The following ZNF157 variants were observed in gnomAD, a reference collection of about 807,000 sequenced individuals.
ZNF157 encodes the protein zinc finger protein 22.
In ZNF157, 8 loss-of-function variants were observed where a neutral mutation model predicts 9.4. That is an observed-to-expected ratio of 0.85 (90% CI 0.50 to 1.53). ZNF157 has a LOEUF of 1.53. ZNF157 is among the 40% of genes most tolerant of loss of function. The pLI is 0.00. For missense variants in ZNF157, 316 were observed against 385.2 expected, an observed-to-expected ratio of 0.82 and a Z score of 1.50; for synonymous variants, 120 against 130.8, an observed-to-expected ratio of 0.92 and a Z score of 0.56.
chrX:47,412,589 T>A lies in ZNF157; in HGVS notation c.516T>A (p.Cys172Ter). Residue 172 changes from cysteine to a stop codon, truncating the protein, a stop_gained, in exon 4 of 4, where the codon TGT (cysteine) becomes TGA (stop). Transcript: ENST00000377073. LOFTEE classifies it low-confidence loss of function (END_TRUNC). ...GTCATGAATGTGGGAAAGCTTACTG[T>A]AGGAAGTCAAACCTTGTTGAACATC... ...FECHECGKAY[C>*]RKSNLVEHLR... 8.3e-7 allele frequency: 1 copy of A among 1,211,937 alleles called. No individual in the cohort carries two copies. Among genetic ancestry groups the A allele is most frequent in the Non-Finnish European group, 1.1e-6 (1 of 895,479 alleles).
At chrX:47,382,463 C>T (rs1223863271) in intron 1 of ZNF157, among the ~76,000 whole-genome samples, 1 of 106,255 alleles carries the variant, frequency 9.4e-6, no homozygotes, top group African/African-American at 3.4e-5. Context: ...TCGTGATCCG[C>T]CCACCTCGGC....
chrX:47,413,547 C>T lies in ZNF157; in HGVS notation c.1474C>T (p.His492Tyr), dbSNP rs752081079. 14 of 1,206,798 alleles carry T rather than the reference C, an allele frequency of 1.2e-5. No individual in the cohort carries two copies. The East Asian group carries it at 3.9e-4, about 33-fold the overall frequency. ...KAHLTEHQRTHIGWSWRCTMK... is the reference protein window; with the variant it reads ...KAHLTEHQRTYIGWSWRCTMK... Reference sequence around the variant, plus strand: ...ACACCTCACAGAACATCAGAGAACTCACATAGGCTGGTCCTGGCGTTGTAC... The same window carrying T: ...ACACCTCACAGAACATCAGAGAACTTACATAGGCTGGTCCTGGCGTTGTAC... The change falls in exon 4 of 4, where the codon CAC (histidine) becomes TAC (tyrosine). Residue 492 changes from histidine (H) to tyrosine (Y), a missense_variant. Coordinates refer to ENST00000377073, the MANE Select transcript of ZNF157 (RefSeq NM_003446.4).
intron 1 of ZNF157, among the ~76,000 whole-genome samples, chrX:47,384,868 G>A (rs2055874965): frequency 8.9e-6 from 1 of 112,413 alleles, no homozygotes; most frequent in Admixed American, 9.5e-5. Context: ...AATAGGGAGT[G>A]CAGTGCCCAG....
intron 3 of ZNF157, among the ~76,000 whole-genome samples, chrX:47,411,023 C>T (rs113186496): frequency 0.058 from 6,314 of 107,947 alleles, 486 homozygotes; most frequent in African/African-American, 0.2. Context: ...GAGTCTCACT[C>T]TGTCATCCAG....
At chrX:47,383,873 T>C (rs2055871981) in intron 1 of ZNF157, among the ~76,000 whole-genome samples, 1 of 109,631 alleles carries the variant, frequency 9.1e-6, no homozygotes, top group Admixed American at 9.9e-5. Flanking sequence ...CAAAATCCAT[T>C]AGTGAAGCTG....
intron 1 of ZNF157, among the ~76,000 whole-genome samples, chrX:47,391,920 C>T (rs1569258335): frequency 9.8e-6 from 1 of 101,572 alleles, no homozygotes; most frequent in East Asian, 3.2e-4. Flanking sequence ...GAGGGAGTCT[C>T]GCTCTGTCGC....
intron 1 of ZNF157, among the ~76,000 whole-genome samples, chrX:47,408,711 C>A (rs760116714): frequency 3.6e-5 from 4 of 111,936 alleles, no homozygotes; most frequent in African/African-American, 1.3e-4. Flanking sequence ...CCACTGCGCC[C>A]GGACAGCAGG....
intron 1 of ZNF157, among the ~76,000 whole-genome samples, chrX:47,409,923 A>G (rs1259589545): frequency 8.9e-6 from 1 of 111,870 alleles, no homozygotes; most frequent in African/African-American, 3.2e-5. Context: ...TGCTGGGATT[A>G]CAGGCGTGAG....
At position 47,413,716 on chromosome X, in the gene ZNF157, T is replaced by TC; in HGVS notation, c.*122_*123insC. ...AGTATGTCCTGATCCCCTTAGGGGA[T>TC]AGCTCATTGTTTTTATTCAGATTTC... On this transcript the variant is annotated 3_prime_UTR_variant, in exon 4 of 4. Coordinates refer to ENST00000377073, the MANE Select transcript of ZNF157 (RefSeq NM_003446.4). The TC allele has an allele frequency of 2.9e-6, 3 of 1,035,559 alleles. No individual in the cohort carries two copies. Among genetic ancestry groups the TC allele is most frequent in the Non-Finnish European group, 3.8e-6 (3 of 788,228 alleles). The allele number at this position is 1,035,559 out of a possible 1,213,427, so 85.3% of individuals were successfully genotyped here.
At chrX:47,386,689 A>T (rs1010226077) in intron 1 of ZNF157, among the ~76,000 whole-genome samples, 8 of 110,397 alleles carry the variant, frequency 7.2e-5, no homozygotes, top group African/African-American at 2.6e-4. Flanking sequence ...TGAACTCTGG[A>T]CCTCAAGTGA....
intron 1 of ZNF157, among the ~76,000 whole-genome samples, chrX:47,403,944 C>T (rs918657708): frequency 1.7e-4 from 19 of 110,896 alleles, no homozygotes; most frequent in Non-Finnish European, 3.6e-4. Flanking sequence ...CCGAGGCGGG[C>T]AGATCACTTG....
At chrX:47,393,146 C>T in intron 1 of ZNF157, among the ~76,000 whole-genome samples, 1 of 40,808 alleles carries the variant, frequency 2.5e-5, no homozygotes, top group East Asian at 9.8e-4. Flanking sequence ...TAGAGTGAGA[C>T]TGTCTCAAAA....
Position 47,375,079 on chromosome X carries a change from C to T in ZNF157, c.72+4339C>T, listed in dbSNP as rs181817597. ...TCACCCAGGCTGGAGTGCAGTGGCA[C>T]GATCTTGGCTCACTGCAACCTCTGC... On this transcript the variant is annotated intron_variant, in intron 1 of 3. Coordinates refer to ENST00000377073, the MANE Select transcript of ZNF157 (RefSeq NM_003446.4). 3.3e-4 allele frequency among the ~76,000 whole-genome samples: 27 copies of T among 81,998 alleles called. No individual in the cohort carries two copies. In the East Asian group the frequency reaches 0.01, roughly 31 times the overall value. 71.2% of individuals were successfully genotyped at this position (81,998 alleles called of 115,157 possible). A position where few individuals can be genotyped will look rare whatever the true frequency, so the allele number is the denominator to read the frequency against.
intron 1 of ZNF157, among the ~76,000 whole-genome samples, chrX:47,399,373 A>G (rs1368614218): frequency 1.8e-5 from 2 of 111,675 alleles, no homozygotes; most frequent in African/African-American, 6.5e-5. Flanking sequence ...ATATATTTTT[A>G]AAGTATAGTT....
At chrX:47,385,208 T>C (rs2055875998) in intron 1 of ZNF157, among the ~76,000 whole-genome samples, 1 of 112,222 alleles carries the variant, frequency 8.9e-6, no homozygotes, top group Non-Finnish European at 1.9e-5. Flanking sequence ...GAAGGTTCCT[T>C]CTTTGCCTCT....
rs1402578421 is a variant in ZNF157 at position 47,370,725 on chromosome X, T to C, written c.57T>C (p.Pro19=). The change falls in exon 1 of 4, where the codon CCT becomes CCC. Residue 19 remains proline (P), a synonymous_variant. Transcript: ENST00000377073. ...TCCCTGCCCTGATTCCAGGAGAACC[T>C]GGCAGATCTTTTGAGGTAAGGAGGA... The part of the protein sequence containing the change: ...QRFPALIPGE[P]GRSFEGSVSF... 8.3e-7 allele frequency: 1 copy of C among 1,200,614 alleles called. No homozygotes were observed. Among genetic ancestry groups the C allele is most frequent in the African/African-American group, 1.8e-5 (1 of 56,939 alleles).
rs200527089 is a variant in ZNF157 at position 47,413,906 on chromosome X, C to CT, written c.*321dup. 2.8e-3 allele frequency: 441 copies of CT among 156,144 alleles called. 3 individuals carry two copies. The highest frequency in any genetic ancestry group is 6.7e-3 in the African/African-American group (213 of 31,965). The allele number at this position is 156,144 out of a possible 1,213,427, so 12.9% of individuals were successfully genotyped here. A position where few individuals can be genotyped will look rare whatever the true frequency, so the allele number is the denominator to read the frequency against. ...TTTAACATATGAGAATATAAAAATCCTTTTTTTTTCAGTCATATGTGTTGC... is the reference window on the plus strand; with the variant it reads ...TTTAACATATGAGAATATAAAAATCCTTTTTTTTTTCAGTCATATGTGTTGC... On this transcript the variant is annotated 3_prime_UTR_variant, in exon 4 of 4. Transcript: ENST00000377073.
intron 1 of ZNF157, among the ~76,000 whole-genome samples, chrX:47,409,818 A>G (rs1013712948): frequency 1.2e-4 from 4 of 33,805 alleles, no homozygotes; most frequent in Non-Finnish European, 2.1e-4. Flanking sequence ...TAATTTTTGT[A>G]TTTTTAGTAG....
At chrX:47,371,264 G>A (rs2055827920) in intron 1 of ZNF157, among the ~76,000 whole-genome samples, 1 of 109,559 alleles carries the variant, frequency 9.1e-6, no homozygotes. Context: ...CTTGAACCTG[G>A]AGGCGGAGGT....
Sources: gnomAD v4.1 joint callset for allele counts (sites outside exome capture counted in the v4.1 genomes callset) on GRCh38, gnomAD v4.1.1 for gene constraint, MANE v1.5 for transcripts, NCBI Gene and HGNC (gene_info 2026-07-23, HGNC 2026-07-21) for gene names.